Variants in NOVA1 observed in about 807,000 individuals in gnomAD.
The protein encoded by NOVA1 is RNA-binding protein Nova-1.
NOVA1 carries 7 observed loss-of-function variants against 38.0 expected under a neutral mutation model. That is an observed-to-expected ratio of 0.18 (90% CI 0.10 to 0.35). The LOEUF is 0.35. Ranked by LOEUF, NOVA1 falls within the 10% of genes least tolerant of loss-of-function variation. NOVA1 has a pLI of 1.00. For synonymous variants in NOVA1, 270 were observed against 232.5 expected, an observed-to-expected ratio of 1.16 and a Z score of -1.47; for missense variants, 460 against 616.0, an observed-to-expected ratio of 0.75 and a Z score of 2.68.
intron 4 of NOVA1, among the ~76,000 whole-genome samples, chr14:26,451,208 TCA>T (rs1246783219): frequency 3.9e-5 from 6 of 152,160 alleles, no homozygotes; most frequent in Admixed American, 3.9e-4. Context: ...ATATGTTTTT[TCA>T]CAGTTTTTTT....
intron 2 of NOVA1, among the ~76,000 whole-genome samples, chr14:26,490,842 GTTTTTTTTTTTT>G (rs71121880): frequency 2.8e-5 from 2 of 70,808 alleles, no homozygotes; most frequent in Non-Finnish European, 5.3e-5. Context: ...CATCTGGCTA[GTTTTTTTTTTTT>G]TTTTTTTTTT....
intron 3 of NOVA1, among the ~76,000 whole-genome samples, chr14:26,476,776 G>A (rs2138276626): frequency 6.8e-6 from 1 of 146,588 alleles, no homozygotes; most frequent in South Asian, 2.1e-4. Flanking sequence ...GAGTACAATG[G>A]CGCGATCTTG....
chr14:26,466,412 T>A (rs1396802322), intron 4 of NOVA1, among the ~76,000 whole-genome samples: 2 of 152,150 alleles, frequency 1.3e-5, no homozygotes, highest in Non-Finnish European at 2.9e-5. Context: ...CAATTAGGTA[T>A]GTAAGTGGAA....
intron 2 of NOVA1, among the ~76,000 whole-genome samples, chr14:26,506,893 T>C (rs1197022474): frequency 1.3e-5 from 2 of 152,150 alleles, no homozygotes; most frequent in Admixed American, 6.5e-5. Flanking sequence ...AACTGTTCTT[T>C]AAGGACTATC....
chr14:26,512,907 T>C (rs555433633), intron 2 of NOVA1, among the ~76,000 whole-genome samples: 9 of 152,150 alleles, frequency 5.9e-5, no homozygotes, highest in African/African-American at 2.2e-4. Context: ...AAAGGATCTA[T>C]TGTTTCTCCT....
At chr14:26,452,342 T>C (rs1566430865) in intron 4 of NOVA1, among the ~76,000 whole-genome samples, 1 of 152,182 alleles carries the variant, frequency 6.6e-6, no homozygotes, top group Non-Finnish European at 1.5e-5. Context: ...ACAGTAGTTT[T>C]ATATTTACAT....
At chr14:26,586,174 T>C (rs1480755454) in intron 2 of NOVA1, among the ~76,000 whole-genome samples, 1 of 151,348 alleles carries the variant, frequency 6.6e-6, no homozygotes, top group Non-Finnish European at 1.5e-5. Context: ...AGAGTTTTTG[T>C]TTTAATTTAA....
chr14:26,588,409 T>G (rs1290761128), intron 2 of NOVA1: 1 of 151,466 alleles, frequency 6.6e-6, no homozygotes, highest in Admixed American at 6.6e-5. Context: ...CCTTAATCAT[T>G]TTGCTGTTAA....
chr14:26,590,716 A>C (rs147995485), intron 2 of NOVA1, among the ~76,000 whole-genome samples: 2 of 151,896 alleles, frequency 1.3e-5, no homozygotes, highest in Admixed American at 1.3e-4. Context: ...TAAGTATTGA[A>C]CTATATCACC....
chr14:26,484,928 T>C (rs1010912941), intron 2 of NOVA1, among the ~76,000 whole-genome samples: 9 of 151,642 alleles, frequency 5.9e-5, no homozygotes, highest in Admixed American at 3.3e-4. Context: ...AAGCTGAAGG[T>C]ACAGCAATGA....
At chr14:26,481,744 C>G (rs923166967) in intron 2 of NOVA1, among the ~76,000 whole-genome samples, 2 of 151,888 alleles carry the variant, frequency 1.3e-5, no homozygotes, top group Non-Finnish European at 2.9e-5. Flanking sequence ...TCTTGATATA[C>G]ATATTGTGGT....
chr14:26,597,707 AAAG>A lies in NOVA1; in HGVS notation c.-274_-272del, dbSNP rs937788474. ...GAGGGGGTGTGAGAGACGGAGGGTG[AAAG>A]AAGAAGAAGAAAGGAGACAGGGGGA... On this transcript the variant is annotated 5_prime_UTR_variant, in exon 1 of 5. Coordinates refer to ENST00000539517, the MANE Select transcript of NOVA1 (RefSeq NM_002515.3). The A allele has an allele frequency of 3.6e-4, 405 of 1,120,370 alleles. 1 individual carries two copies. Among genetic ancestry groups the A allele is most frequent in the East Asian group, 3.1e-3 (65 of 21,164 alleles). The allele number at this position is 1,120,370 out of a possible 1,614,324, so 69.4% of individuals were successfully genotyped here. A position where few individuals can be genotyped will look rare whatever the true frequency, so the allele number is the denominator to read the frequency against.
At chr14:26,489,706 C>T (rs1886185561) in intron 2 of NOVA1, among the ~76,000 whole-genome samples, 1 of 151,842 alleles carries the variant, frequency 6.6e-6, no homozygotes. Context: ...TTTAGTGGTG[C>T]ACGCCTGTAG....
At chr14:26,586,743 G>C (rs1363381863) in intron 2 of NOVA1, among the ~76,000 whole-genome samples, 3 of 151,094 alleles carry the variant, frequency 2.0e-5, no homozygotes, top group Non-Finnish European at 4.5e-5. Context: ...TAAGGAAAGA[G>C]AGAAAATGAC....
At chr14:26,454,564 G>A (rs959081110) in intron 4 of NOVA1, among the ~76,000 whole-genome samples, 1 of 152,064 alleles carries the variant, frequency 6.6e-6, no homozygotes, top group Admixed American at 6.6e-5. Context: ...CATCACAGAG[G>A]AAATACAACT....
chr14:26,483,779 C>A (rs1390690829), intron 2 of NOVA1, among the ~76,000 whole-genome samples: 1 of 152,112 alleles, frequency 6.6e-6, no homozygotes, highest in African/African-American at 2.4e-5. Context: ...ACAACTGATG[C>A]AGCTTCGTCA....
intron 2 of NOVA1, among the ~76,000 whole-genome samples, chr14:26,536,534 A>G (rs1890111121): frequency 6.6e-6 from 1 of 152,018 alleles, no homozygotes; most frequent in African/African-American, 2.4e-5. Context: ...AAAAATTTAA[A>G]AAGATATAGC....
chr14:26,498,936 C>T (rs554309373), intron 2 of NOVA1, among the ~76,000 whole-genome samples: 48 of 152,042 alleles, frequency 3.2e-4, no homozygotes, highest in Non-Finnish European at 6.5e-4. Flanking sequence ...ATAAGCCAGC[C>T]ACAGGAAGGC....
At chr14:26,559,776 T>C (rs929458625) in intron 2 of NOVA1, among the ~76,000 whole-genome samples, 2 of 152,104 alleles carry the variant, frequency 1.3e-5, no homozygotes, top group Non-Finnish European at 2.9e-5. Context: ...GATTAATGGG[T>C]ACAAATATAC....
Sources: allele counts gnomAD v4.1 joint callset (sites outside exome capture counted in the v4.1 genomes callset), GRCh38; gene constraint gnomAD v4.1.1; transcripts MANE v1.5; gene names NCBI Gene and HGNC (gene_info 2026-07-23, HGNC 2026-07-21).